Variants in FIGNL2 observed in about 807,000 individuals in gnomAD.
The protein encoded by FIGNL2 is fidgetin like 2.
For synonymous variants in FIGNL2, 565 were observed against 484.0 expected (o/e 1.17, Z -2.20); for missense variants, 1,060 against 950.2 (o/e 1.12, Z -1.52).
At chr12:51,823,079 G>A (rs954210074) in intron 1 of FIGNL2, among the ~76,000 whole-genome samples, 2 of 152,212 alleles carry the variant, frequency 1.3e-5, no homozygotes, top group Non-Finnish European at 2.9e-5. Context: ...CTGACCCAGA[G>A]CATTCATTTC....
At chr12:51,840,033 G>T (rs1939634878) in intron 1 of FIGNL2, among the ~76,000 whole-genome samples, 1 of 152,228 alleles carries the variant, frequency 6.6e-6, no homozygotes, top group South Asian at 2.1e-4. Context: ...TGAGGAACAG[G>T]GATTTGCAGT....
rs115160078 is a variant in FIGNL2, at chr12:51,838,748, C to T, written c.-12+9792G>A. ...GCTCCAACTCGCTCCTAGAGACTGG[C>T]TAGGTGCAGTGGCCTGGGAAAGAGG... On this transcript the variant is annotated intron_variant, in intron 1 of 1. Coordinates refer to ENST00000618634, the MANE Select transcript of FIGNL2 (RefSeq NM_001384995.1). Among the ~76,000 whole-genome samples the T allele has an allele frequency of 9.2e-3, 1,408 of 152,252 alleles. 24 individuals carry two copies. Among genetic ancestry groups the T allele is most frequent in the African/African-American group, 0.032 (1,339 of 41,552 alleles).
rs1774639092 is a variant in FIGNL2 at position 51,826,522 on chromosome 12, C to T, written c.-11-4098G>A. 4.0e-5 allele frequency among the ~76,000 whole-genome samples: 6 copies of T among 151,662 alleles called. No individual in the cohort carries two copies. The South Asian group carries it at 1.3e-3, about 32-fold the overall frequency. On this transcript the variant is annotated intron_variant, in intron 1 of 1. Coordinates refer to ENST00000618634, the MANE Select transcript of FIGNL2 (RefSeq NM_001384995.1). Reference sequence around the variant, plus strand: ...GGCGTGGTGGCAGGCACCTGTAATCCCAGCTACTTGGGAGGCTGAGGCAGG... The same window carrying T: ...GGCGTGGTGGCAGGCACCTGTAATCTCAGCTACTTGGGAGGCTGAGGCAGG...
At chr12:51,839,980 T>C (rs1409773940) in intron 1 of FIGNL2, among the ~76,000 whole-genome samples, 1 of 151,888 alleles carries the variant, frequency 6.6e-6, no homozygotes, top group Non-Finnish European at 1.5e-5. Context: ...GTCATGACTT[T>C]TTGTCAGCAA....
At chr12:51,822,455 G>T in intron 1 of FIGNL2, 31 bp from the exon 2 acceptor site, 2 of 1,609,534 alleles carry the variant, frequency 1.2e-6, no homozygotes, top group Non-Finnish European at 8.5e-7. Context: ...GTCTGGTGAG[G>T]TCTAGCCACC....
At chr12:51,842,988 A>C (rs532260360) in intron 1 of FIGNL2, among the ~76,000 whole-genome samples, 14 of 152,316 alleles carry the variant, frequency 9.2e-5, no homozygotes, top group African/African-American at 3.4e-4. Flanking sequence ...GCCATGATAC[A>C]TGCTAGGCAC....
At chr12:51,831,004 A>G (rs1939451529) in intron 1 of FIGNL2, among the ~76,000 whole-genome samples, 1 of 151,854 alleles carries the variant, frequency 6.6e-6, no homozygotes, top group Admixed American at 6.6e-5. Flanking sequence ...GAGTTTCACC[A>G]GGTTGTTCAG....
At chr12:51,847,893 G>A in intron 1 of FIGNL2, 1 of 914,842 alleles carries the variant, frequency 1.1e-6, no homozygotes, top group Non-Finnish European at 1.3e-6. Context: ...TAGCCCCAGG[G>A]TGAAGGTGAG....
In FIGNL2 at chr12:51,820,791, C is replaced by T. The variant is rs1470031961; in HGVS notation, c.1623G>A (p.Leu541=). 1 of 1,477,222 alleles carries T rather than the reference C, an allele frequency of 6.8e-7. No homozygotes were observed. Among genetic ancestry groups the T allele is most frequent in the East Asian group, 3.0e-5 (1 of 33,582 alleles). 91.5% of individuals were successfully genotyped at this position (1,477,222 alleles called of 1,614,324 possible). ...VVGTTSRPAA[L]DEATRRRFSL... ...AGAAGCGCCGGCGGGTCGCCTCGTCCAGAGCCGCGGGCCGCGAGGTGGTGC... is the reference window on the plus strand; with the variant it reads ...AGAAGCGCCGGCGGGTCGCCTCGTCTAGAGCCGCGGGCCGCGAGGTGGTGC... The change falls in exon 2 of 2, where the codon CTG becomes CTA. Residue 541 remains leucine (L), a synonymous_variant. Coordinates refer to ENST00000618634, the MANE Select transcript of FIGNL2 (RefSeq NM_001384995.1).
chr12:51,822,665 G>A (rs1050554363), intron 1 of FIGNL2, among the ~76,000 whole-genome samples: 2 of 152,234 alleles, frequency 1.3e-5, no homozygotes, highest in African/African-American at 2.4e-5. Flanking sequence ...TGGAAATGAT[G>A]TGGTTGGCCC....
intron 1 of FIGNL2, among the ~76,000 whole-genome samples, chr12:51,826,870 G>A (rs1939356624): frequency 6.6e-6 from 1 of 151,334 alleles, no homozygotes. Flanking sequence ...TCTCACGTGA[G>A]TCTGAATACA....
intron 1 of FIGNL2, among the ~76,000 whole-genome samples, chr12:51,846,083 AG>A (rs1939745213): frequency 6.6e-6 from 1 of 152,224 alleles, no homozygotes; most frequent in Admixed American, 6.5e-5. Flanking sequence ...GCCTGGCTAA[AG>A]GCCCTTACAA....
At chr12:51,834,927 G>A (rs1939555487) in intron 1 of FIGNL2, among the ~76,000 whole-genome samples, 2 of 152,220 alleles carry the variant, frequency 1.3e-5, no homozygotes, top group Admixed American at 1.3e-4. Context: ...TTATAGAAGA[G>A]GAAATGGAGA....
intron 1 of FIGNL2, among the ~76,000 whole-genome samples, chr12:51,838,309 G>C (rs1319807469): frequency 6.6e-6 from 1 of 152,222 alleles, no homozygotes; most frequent in Non-Finnish European, 1.5e-5. Context: ...AGGCTGCTGG[G>C]AGGATTGTGG....
In FIGNL2 at chr12:51,822,326, G is replaced by A. The variant is rs1939236526; in HGVS notation, c.88C>T (p.His30Tyr). Residue 30 changes from histidine to tyrosine, a missense_variant, in exon 2 of 2, where the codon CAC (histidine) becomes TAC (tyrosine). Physicochemically the swap from His to Tyr is moderately conservative, Grantham distance 83 (BLOSUM62 2). Transcript: ENST00000618634. ...DVSSTTPSPAHKLELPPGGRQ... is the reference protein window; with the variant it reads ...DVSSTTPSPAYKLELPPGGRQ... Reference sequence around the variant, plus strand: ...CCCCCAGGGGGCAACTCCAACTTGTGGGCCGGCGACGGGGTGGTGGAGGAG... The same window carrying A: ...CCCCCAGGGGGCAACTCCAACTTGTAGGCCGGCGACGGGGTGGTGGAGGAG... 9 of 1,613,206 alleles carry A rather than the reference G, an allele frequency of 5.6e-6. No homozygotes were observed. The highest frequency in any genetic ancestry group is 7.6e-6 in the Non-Finnish European group (9 of 1,179,686).
chr12:51,844,926 G>T, intron 1 of FIGNL2: 1 of 968,086 alleles, frequency 1.0e-6, no homozygotes, highest in Non-Finnish European at 1.2e-6. Flanking sequence ...CACTGAGTGG[G>T]GAGGTCAGGA....
chr12:51,848,207 C>A lies in FIGNL2; in HGVS notation c.-12+333G>T, dbSNP rs1289105177. On this transcript the variant is annotated intron_variant, in intron 1 of 1. Transcript: ENST00000618634. The stretch of plus-strand genomic sequence containing the variant: ...CGAACCCGCAAACCTTGGCTCCCCA[C>A]CCCCAGGCCAGCAGACGCCCCCGAG... 4 of 984,758 alleles carry A rather than the reference C, an allele frequency of 4.1e-6. No individual in the cohort carries two copies. The African/African-American group carries it at 5.3e-5, about 13-fold the overall frequency. The allele number at this position is 984,758 out of a possible 1,614,324, so 61.0% of individuals were successfully genotyped here.
At chr12:51,828,744 G>A (rs1939394824) in intron 1 of FIGNL2, among the ~76,000 whole-genome samples, 1 of 152,170 alleles carries the variant, frequency 6.6e-6, no homozygotes, top group South Asian at 2.1e-4. Context: ...GCTTCCTGGG[G>A]CAGCAAATGC....
chr12:51,823,587 C>A (rs1015278269), intron 1 of FIGNL2: 3 of 152,222 alleles, frequency 2.0e-5, no homozygotes, highest in Non-Finnish European at 2.9e-5. Context: ...GGATCTGGGG[C>A]TTGGGGAATG....
Sources: allele counts gnomAD v4.1 joint callset (sites outside exome capture counted in the v4.1 genomes callset), GRCh38; gene constraint gnomAD v4.1.1; transcripts MANE v1.5; gene names NCBI Gene and HGNC (gene_info 2026-07-23, HGNC 2026-07-21).